SNTG1: variants seen among roughly 807,000 people sequenced by gnomAD.
SNTG1 encodes the protein gamma-1-syntrophin.
In SNTG1, 39 loss-of-function variants were observed where a neutral mutation model predicts 74.7. The ratio of observed to expected loss-of-function variants is 0.52; its 90% confidence interval spans 0.40 to 0.68. The LOEUF is 0.68. Among genes scored for constraint, SNTG1 ranks in the 30% least tolerant of loss-of-function variants. The pLI is 0.00. For missense variants in SNTG1, 685 were observed against 609.5 expected (o/e 1.12, Z -1.30); for synonymous variants, 254 against 217.1 (o/e 1.17, Z -1.49).
chr8:50,370,345 A>G, intron 2 of SNTG1, among the ~76,000 whole-genome samples: 1 of 152,174 alleles, frequency 6.6e-6, no homozygotes, highest in East Asian at 1.9e-4. Context: ...CTGTTGAACT[A>G]TCTGCTACAG....
chr8:50,606,645 A>G (rs2094814980), intron 13 of SNTG1, among the ~76,000 whole-genome samples: 1 of 98,362 alleles, frequency 1.0e-5, no homozygotes, highest in Non-Finnish European at 2.1e-5. Flanking sequence ...CATACCTTGT[A>G]TCTGATCATA....
intron 1 of SNTG1, among the ~76,000 whole-genome samples, chr8:50,006,371 T>C (rs1272451454): frequency 1.3e-5 from 2 of 152,238 alleles, no homozygotes; most frequent in African/African-American, 2.4e-5. Context: ...ATGACTGCTT[T>C]AAAATTCTTG....
chr8:50,632,429 G>A (rs1189606821), intron 13 of SNTG1, among the ~76,000 whole-genome samples: 3 of 151,954 alleles, frequency 2.0e-5, no homozygotes. Context: ...GTATGTCTCA[G>A]AATCCTGAGT....
intron 4 of SNTG1, among the ~76,000 whole-genome samples, chr8:50,429,552 T>C (rs1022454232): frequency 1.3e-5 from 2 of 152,126 alleles, no homozygotes; most frequent in South Asian, 4.1e-4. Context: ...TACATGTAAA[T>C]AATTTTGACA....
intron 2 of SNTG1, among the ~76,000 whole-genome samples, chr8:50,358,989 C>T (rs369742755): frequency 6.6e-6 from 1 of 152,142 alleles, no homozygotes; most frequent in Non-Finnish European, 1.5e-5. Flanking sequence ...AAAATATGGC[C>T]TTGCTGGCAC....
intron 12 of SNTG1, among the ~76,000 whole-genome samples, chr8:50,570,261 A>ATTTTATTATTTTATTTTATTTTT (rs2094540577): frequency 7.4e-6 from 1 of 135,242 alleles, no homozygotes; most frequent in Non-Finnish European, 1.6e-5. Flanking sequence ...ATTTTATTTT[A>ATTTTATTATTTTATTTTATTTTT]TTTTATTTTA....
intron 2 of SNTG1, among the ~76,000 whole-genome samples, chr8:50,272,061 T>G (rs940762028): frequency 6.6e-6 from 1 of 152,228 alleles, no homozygotes; most frequent in African/African-American, 2.4e-5. Context: ...GTATTTTTTA[T>G]TGGACTTCCC....
chr8:50,120,923 A>G (rs111863740), intron 1 of SNTG1, among the ~76,000 whole-genome samples: 6 of 142,168 alleles, frequency 4.2e-5, no homozygotes, highest in African/African-American at 1.3e-4. Flanking sequence ...TCCTCTCTAC[A>G]TGTCTGGTTG....
chr8:50,289,407 C>G (rs1445168877), intron 2 of SNTG1, among the ~76,000 whole-genome samples: 1 of 152,150 alleles, frequency 6.6e-6, no homozygotes, highest in Admixed American at 6.6e-5. Context: ...TCATGCATAA[C>G]AGCCTCAGAA....
At chr8:49,967,273 T>A (rs1811227566) in intron 1 of SNTG1, among the ~76,000 whole-genome samples, 1 of 152,228 alleles carries the variant, frequency 6.6e-6, no homozygotes. Context: ...CTTTGGAGTC[T>A]GTCCTCTTAG....
At chr8:50,450,639 C>T (rs2093447588) in intron 7 of SNTG1, 40 bp downstream of exon 7, 1 of 1,613,298 alleles carries the variant, frequency 6.2e-7, no homozygotes, top group Non-Finnish European at 8.5e-7. Flanking sequence ...AAAACATTAA[C>T]TCAATTTACA....
intron 8 of SNTG1, among the ~76,000 whole-genome samples, chr8:50,470,732 T>C (rs2093646235): frequency 6.6e-6 from 1 of 152,156 alleles, no homozygotes; most frequent in Admixed American, 6.5e-5. Flanking sequence ...CTGTGAGTGT[T>C]ACAGCTCATA....
At position 50,118,967 on chromosome 8, in the gene SNTG1, A is replaced by G. The variant is rs1473222560; in HGVS notation, c.-102-53594A>G. 1.4e-5 allele frequency among the ~76,000 whole-genome samples: 2 copies of G among 140,408 alleles called. 1 individual carries two copies. Among genetic ancestry groups the G allele is most frequent in the Non-Finnish European group, 3.2e-5 (2 of 63,296 alleles). 92.1% of individuals were successfully genotyped at this position (140,408 alleles called of 152,430 possible). On this transcript the variant is annotated intron_variant, in intron 1 of 18. Transcript: ENST00000642720. Reference sequence around the variant, plus strand: ...GAGTGATGAAATTCTACTTCTAACTACCTCAAGAAAATACGGCAGGATGCA... The same window carrying G: ...GAGTGATGAAATTCTACTTCTAACTGCCTCAAGAAAATACGGCAGGATGCA...
intron 2 of SNTG1, among the ~76,000 whole-genome samples, chr8:50,276,318 A>G (rs778186874): frequency 6.6e-6 from 1 of 151,498 alleles, no homozygotes; most frequent in Non-Finnish European, 1.5e-5. Context: ...CTTATTCTAA[A>G]TTCGTCATCA....
intron 2 of SNTG1, among the ~76,000 whole-genome samples, chr8:50,373,339 G>T (rs1327012230): frequency 1.3e-5 from 2 of 152,196 alleles, no homozygotes; most frequent in Non-Finnish European, 2.9e-5. Context: ...GTAGGTCACT[G>T]TTTAAATTGT....
intron 13 of SNTG1, among the ~76,000 whole-genome samples, chr8:50,612,947 T>C (rs2094860961): frequency 6.6e-6 from 1 of 151,890 alleles, no homozygotes; most frequent in Non-Finnish European, 1.5e-5. Flanking sequence ...GTTAAAGAAA[T>C]CGGTAATAAG....
chr8:49,990,174 A>G (rs1432269520), intron 1 of SNTG1, among the ~76,000 whole-genome samples: 2 of 152,016 alleles, frequency 1.3e-5, no homozygotes, highest in Non-Finnish European at 2.9e-5. Context: ...GATCTTGTAC[A>G]TAGAAAATCA....
At chr8:50,151,203 G>A (rs1360908327) in intron 1 of SNTG1, among the ~76,000 whole-genome samples, 1 of 152,118 alleles carries the variant, frequency 6.6e-6, no homozygotes, top group Non-Finnish European at 1.5e-5. Flanking sequence ...TTGTGTAGAG[G>A]TGTTTATAGT....
intron 5 of SNTG1, among the ~76,000 whole-genome samples, chr8:50,449,418 A>C (rs1399804607): frequency 6.6e-6 from 1 of 152,236 alleles, no homozygotes. Context: ...CTATCTAAAT[A>C]CATAATCAAT....
Sources: allele counts gnomAD v4.1 joint callset (sites outside exome capture counted in the v4.1 genomes callset), GRCh38; gene constraint gnomAD v4.1.1; transcripts MANE v1.5; gene names NCBI Gene and HGNC (gene_info 2026-07-23, HGNC 2026-07-21).